JAM3: variants seen among roughly 807,000 people sequenced by gnomAD.
JAM3 encodes the protein junctional adhesion molecule C.
A neutral mutation model predicts 39.4 loss-of-function variants in JAM3; 31 were observed. The ratio of observed to expected loss-of-function variants is 0.79; its 90% CI spans 0.59 to 1.06. The LOEUF is 1.06. Ranked by LOEUF, JAM3 falls within the 50% of genes least tolerant of loss-of-function variation. JAM3 has a pLI of 0.00. For missense variants in JAM3, 455 were observed against 391.4 expected, an observed-to-expected ratio of 1.16 and a Z score of -1.37; for synonymous variants, 182 against 148.7, an observed-to-expected ratio of 1.22 and a Z score of -1.63.
chr11:134,116,726 G>A (rs754214779), intron 1 of JAM3, among the ~76,000 whole-genome samples: 12 of 151,926 alleles, frequency 7.9e-5, no homozygotes, highest in South Asian at 4.2e-4. Context: ...GTTATCAGGT[G>A]TCACTGCTTC....
intron 3 of JAM3, among the ~76,000 whole-genome samples, chr11:134,142,226 G>T (rs561960032): frequency 1.7e-4 from 26 of 152,250 alleles, no homozygotes; most frequent in African/African-American, 6.3e-4. Context: ...ACGGTTTCCC[G>T]CACAGAATGC....
At chr11:134,108,007 G>A (rs1235835929) in intron 1 of JAM3, among the ~76,000 whole-genome samples, 1 of 151,932 alleles carries the variant, frequency 6.6e-6, no homozygotes, top group African/African-American at 2.4e-5. Flanking sequence ...AAACCAGTAA[G>A]TCCAAAAGCT....
intron 1 of JAM3, among the ~76,000 whole-genome samples, chr11:134,126,049 C>T (rs559913701): frequency 6.6e-6 from 1 of 152,268 alleles, no homozygotes; most frequent in East Asian, 1.9e-4. Context: ...TTGGCTGGCT[C>T]CTCATATGTG....
At position 134,069,073 on chromosome 11, in the gene JAM3, C is replaced by T. The variant is rs757070325; in HGVS notation, c.-11C>T. 14 of 1,609,152 alleles carry T rather than the reference C, an allele frequency of 8.7e-6. No homozygotes were observed. The East Asian group carries it at 2.9e-4, about 33-fold the overall frequency. On this transcript the variant is annotated 5_prime_UTR_variant, in exon 1 of 9. Coordinates refer to ENST00000299106, the MANE Select transcript of JAM3 (RefSeq NM_032801.5). ...CGCCGCGCTGCCGCTGGCCCCTCAG[C>T]AACCCTCGACATGGCGCTGAGGCGG...
At chr11:134,111,539 C>T (rs1462078380) in intron 1 of JAM3, among the ~76,000 whole-genome samples, 3 of 152,126 alleles carry the variant, frequency 2.0e-5, no homozygotes, top group Admixed American at 6.5e-5. Flanking sequence ...TACTTCTCCT[C>T]ATACCATTAA....
intron 1 of JAM3, among the ~76,000 whole-genome samples, chr11:134,136,126 G>A (rs951336815): frequency 1.0e-5 from 1 of 97,688 alleles, no homozygotes; most frequent in Non-Finnish European, 1.9e-5. Context: ...TTAAGAGTAT[G>A]ATGGACAGGC....
intron 5 of JAM3, chr11:134,145,493 G>A (rs1943055429): frequency 3.1e-6 from 1 of 326,060 alleles, no homozygotes; most frequent in Non-Finnish European, 5.9e-6. Flanking sequence ...AAACAGATTG[G>A]TCATGCACTA....
At chr11:134,105,548 G>C (rs1408718494) in intron 1 of JAM3, among the ~76,000 whole-genome samples, 2 of 152,160 alleles carry the variant, frequency 1.3e-5, no homozygotes, top group Non-Finnish European at 1.5e-5. Context: ...ATTAGGAAAA[G>C]AGGAAGTCAA....
At chr11:134,106,247 A>G (rs2120704585) in intron 1 of JAM3, among the ~76,000 whole-genome samples, 1 of 152,266 alleles carries the variant, frequency 6.6e-6, no homozygotes, top group Admixed American at 6.5e-5. Context: ...GAAATGGGGA[A>G]AGGATTCCCT....
At chr11:134,126,245 G>C (rs1035354941) in intron 1 of JAM3, 3 of 152,170 alleles carry the variant, frequency 2.0e-5, no homozygotes, top group African/African-American at 7.2e-5. Context: ...TTGATCCCAA[G>C]GTCCTCTGGC....
In JAM3 at chr11:134,148,934, GCTC is replaced by G. The variant is rs1431866010; in HGVS notation, c.897+120_897+122del. The G allele has an allele frequency of 7.3e-5, 77 of 1,059,758 alleles. No homozygotes were observed. In the East Asian group the frequency reaches 8.8e-4, roughly 12 times the overall value. The allele number at this position is 1,059,758 out of a possible 1,614,324, so 65.6% of individuals were successfully genotyped here. On this transcript the variant is annotated intron_variant, in intron 8 of 8. Transcript: ENST00000299106. ...TTCTGAGTGATTGTGCAGCTCCTGA[GCTC>G]CTCAGCCCCTTCACAGTAACACACA...
chr11:134,100,562 G>A (rs1942055777), intron 1 of JAM3, among the ~76,000 whole-genome samples: 3 of 152,134 alleles, frequency 2.0e-5, no homozygotes, highest in Admixed American at 1.3e-4. Flanking sequence ...CCAACTGCTA[G>A]TGAGCTCCTT....
At chr11:134,101,071 C>T (rs1467130590) in intron 1 of JAM3, among the ~76,000 whole-genome samples, 1 of 152,094 alleles carries the variant, frequency 6.6e-6, no homozygotes, top group Non-Finnish European at 1.5e-5. Flanking sequence ...AGATATTGCC[C>T]CATTCTAAAC....
chr11:134,116,317 T>C (rs1942432660), intron 1 of JAM3, among the ~76,000 whole-genome samples: 1 of 152,232 alleles, frequency 6.6e-6, no homozygotes, highest in African/African-American at 2.4e-5. Context: ...GGTGTTCTAA[T>C]GATTATTTCC....
At chr11:134,147,517 C>G (rs138616562) in intron 6 of JAM3, among the ~76,000 whole-genome samples, 2,146 of 148,906 alleles carry the variant, frequency 0.014, 46 homozygotes, top group African/African-American at 0.051. Context: ...GATGGAGTCT[C>G]GCTCTGTCAC....
chr11:134,148,714 T>A, intron 7 of JAM3, 38 bp downstream of exon 7: 3 of 1,614,172 alleles, frequency 1.9e-6, no homozygotes, highest in Non-Finnish European at 2.5e-6. Flanking sequence ...AAGTTCAAGC[T>A]GGCAATAATA....
In JAM3 at chr11:134,149,494, C is replaced by T. The variant is rs1331853777; in HGVS notation, c.*313C>T. 3 of 516,896 alleles carry T rather than the reference C, an allele frequency of 5.8e-6. No homozygotes were observed. Among genetic ancestry groups the T allele is most frequent in the Non-Finnish European group, 1.1e-5 (3 of 279,426 alleles). The allele number at this position is 516,896 out of a possible 1,614,324, so 32.0% of individuals were successfully genotyped here. On this transcript the variant is annotated 3_prime_UTR_variant, in exon 9 of 9. Transcript: ENST00000299106. ...TTAGGGTGATCTTAAAGAGTTTGCT[C>T]ACGTAAACGCCCGTGCTGGGCCCTG...
intron 3 of JAM3, among the ~76,000 whole-genome samples, chr11:134,142,579 C>T (rs985376442): frequency 2.0e-5 from 3 of 152,090 alleles, no homozygotes; most frequent in Non-Finnish European, 4.4e-5. Flanking sequence ...CAGGTTCTTC[C>T]TGCTTCTTTG....
At chr11:134,140,921 T>A (rs1392948956) in intron 3 of JAM3, 151 bp downstream of exon 3, 1 of 1,066,240 alleles carries the variant, frequency 9.4e-7, no homozygotes, top group Admixed American at 2.9e-5. Flanking sequence ...TTATGGAAAA[T>A]TTCAAATATA....
Sources: gnomAD v4.1 joint callset for allele counts (sites outside exome capture counted in the v4.1 genomes callset) on GRCh38, gnomAD v4.1.1 for gene constraint, MANE v1.5 for transcripts, NCBI Gene and HGNC (gene_info 2026-07-23, HGNC 2026-07-21) for gene names.